PHF14: variants seen among roughly 807,000 people sequenced by gnomAD.
The protein encoded by PHF14 is PHD finger protein 14.
PHF14 carries 55 observed loss-of-function variants against 117.9 expected under a neutral mutation model. That is an observed-to-expected ratio of 0.47 (90% CI 0.38 to 0.58). PHF14 has a LOEUF of 0.58. Among genes scored for constraint, PHF14 ranks in the 20% least tolerant of loss-of-function variants. The pLI is 0.00. For missense variants in PHF14, 978 were observed against 1,122.2 expected, an observed-to-expected ratio of 0.87 and a Z score of 1.84; for synonymous variants, 409 against 368.6, an observed-to-expected ratio of 1.11 and a Z score of -1.26.
chr7:11,072,255 C>G (rs989361785), intron 16 of PHF14, among the ~76,000 whole-genome samples: 1 of 152,038 alleles, frequency 6.6e-6, no homozygotes, highest in Non-Finnish European at 1.5e-5. Context: ...GTGAGAGATG[C>G]TGTATACTTT....
intron 4 of PHF14, among the ~76,000 whole-genome samples, chr7:11,008,625 C>T (rs942632034): frequency 5.3e-5 from 8 of 152,264 alleles, no homozygotes; most frequent in African/African-American, 1.9e-4. Context: ...AATTGTTTTC[C>T]ACGAAACCAG....
chr7:11,070,197 C>T (rs999957069), intron 16 of PHF14, among the ~76,000 whole-genome samples: 2 of 151,758 alleles, frequency 1.3e-5, no homozygotes, highest in African/African-American at 4.8e-5. Flanking sequence ...CCCACCTCAG[C>T]CTCCTTAGTA....
intron 11 of PHF14, 47 bp from the exon 12 acceptor site, chr7:11,040,625 T>G (rs1035342650): frequency 2.6e-5 from 27 of 1,028,952 alleles, no homozygotes; most frequent in Non-Finnish European, 3.6e-5. Context: ...ATGTTGCTTT[T>G]ATTTCTTTCT....
intron 17 of PHF14, among the ~76,000 whole-genome samples, chr7:11,121,614 C>T (rs1044148783): frequency 5.9e-5 from 9 of 152,186 alleles, no homozygotes; most frequent in East Asian, 3.9e-4. Flanking sequence ...TCTTGCACTT[C>T]GGGGTTGTTA....
At position 10,983,167 on chromosome 7, in the gene PHF14, A is replaced by T. The variant is rs1335759516; in HGVS notation, c.900+8A>T. 2 of 1,578,098 alleles carry T rather than the reference A, an allele frequency of 1.3e-6. No homozygotes were observed. Among genetic ancestry groups the T allele is most frequent in the Middle Eastern group, 1.7e-4 (1 of 5,902 alleles). ...CAAAGCAAGAGTAATGAGGTAGATC[A>T]ACCCAATTTTTATATCTGTCTGTCT... On this transcript the variant is annotated splice_region_variant and intron_variant, in intron 3 of 17. Transcript: ENST00000634607.
chr7:11,112,984 T>A (rs1372016118), intron 17 of PHF14, among the ~76,000 whole-genome samples: 2 of 152,034 alleles, frequency 1.3e-5, no homozygotes, highest in Non-Finnish European at 2.9e-5. Flanking sequence ...TTCCCAAAAT[T>A]TTATTTAAAT....
In PHF14 at chr7:11,061,955, G is replaced by T; in HGVS notation, c.2533-9G>T. 1.3e-6 allele frequency: 2 copies of T among 1,581,638 alleles called. No homozygotes were observed. The highest frequency in any genetic ancestry group is 1.8e-5 in the Admixed American group (1 of 54,856). ...GTTATGTTTTATTTTATTATCCCTTGTATGGCAGGAAAGAGTTCCTAGAGA... is the reference window on the plus strand; with the variant it reads ...GTTATGTTTTATTTTATTATCCCTTTTATGGCAGGAAAGAGTTCCTAGAGA... On this transcript the variant is annotated splice_polypyrimidine_tract_variant and intron_variant, in intron 15 of 17. Transcript: ENST00000634607.
chr7:11,052,139 C>G (rs1195700315), intron 14 of PHF14, among the ~76,000 whole-genome samples: 1 of 152,078 alleles, frequency 6.6e-6, no homozygotes, highest in Non-Finnish European at 1.5e-5. Context: ...TCATTCACTT[C>G]TTTTTCTTTA....
intron 6 of PHF14, among the ~76,000 whole-genome samples, chr7:11,025,792 C>G (rs1783886522): frequency 6.7e-6 from 1 of 149,266 alleles, no homozygotes; most frequent in African/African-American, 2.5e-5. Context: ...GAGACTCCGT[C>G]TCAAAAAAAA....
intron 16 of PHF14, among the ~76,000 whole-genome samples, chr7:11,068,372 A>AAG (rs1785496155): frequency 6.6e-6 from 1 of 151,772 alleles, no homozygotes; most frequent in Non-Finnish European, 1.5e-5. Flanking sequence ...AAAAAAAAAA[A>AAG]ATCTGATACT....
intron 16 of PHF14, among the ~76,000 whole-genome samples, chr7:11,079,464 A>G (rs1785993245): frequency 6.6e-6 from 1 of 152,192 alleles, no homozygotes; most frequent in African/African-American, 2.4e-5. Flanking sequence ...AGAATGAACC[A>G]TGAACCAAGT....
chr7:11,087,059 A>T (rs1786438598), intron 16 of PHF14, among the ~76,000 whole-genome samples: 1 of 152,242 alleles, frequency 6.6e-6, no homozygotes, highest in East Asian at 1.9e-4. Context: ...GCATAAAATA[A>T]ATAAGGGTAT....
chr7:11,071,178 T>C, intron 16 of PHF14: 1 of 460,126 alleles, frequency 2.2e-6, no homozygotes, highest in South Asian at 1.7e-5. Flanking sequence ...ATCTCACTTT[T>C]CTTATTTTAG....
At chr7:10,978,756 A>C (rs992883295) in intron 2 of PHF14, among the ~76,000 whole-genome samples, 10 of 151,958 alleles carry the variant, frequency 6.6e-5, no homozygotes, top group Non-Finnish European at 1.5e-5. Flanking sequence ...CTCCACCTCC[A>C]CTTCCACTGT....
chr7:11,018,102 T>C (rs1422418092), intron 5 of PHF14, among the ~76,000 whole-genome samples: 3 of 152,188 alleles, frequency 2.0e-5, no homozygotes, highest in Admixed American at 2.0e-4. Context: ...GAGTTCTGTA[T>C]TTTGTTCCTT....
At chr7:11,039,401 A>T (rs935699639) in intron 11 of PHF14, among the ~76,000 whole-genome samples, 6 of 152,182 alleles carry the variant, frequency 3.9e-5, no homozygotes, top group African/African-American at 1.4e-4. Flanking sequence ...CGTAGTTATT[A>T]AAAAAAACTT....
chr7:11,042,723 T>C lies in PHF14; in HGVS notation c.2221T>C (p.Leu741=), dbSNP rs758276217. ...CKKNHDQHLL[L]LCDTCKLHYH... is the part of the protein sequence containing the mutation. ...GAAGAACCATGATCAGCATCTTCTT[T>C]TATTGTGTGATACCTGTAAACTACA... is the stretch of plus-strand genomic sequence containing the variant. Residue 741 remains leucine, a synonymous_variant, in exon 13 of 18, where the codon TTA becomes CTA. Transcript: ENST00000634607. The C allele has an allele frequency of 6.3e-7, 1 of 1,594,046 alleles. No individual in the cohort carries two copies. Among genetic ancestry groups the C allele is most frequent in the Non-Finnish European group, 8.6e-7 (1 of 1,168,324 alleles).
Position 11,038,784 on chromosome 7 carries a change from C to G in PHF14, c.2005C>G (p.Gln669Glu). 6.3e-7 allele frequency: 1 copy of G among 1,587,504 alleles called. No homozygotes were observed. Among genetic ancestry groups the G allele is most frequent in the Admixed American group, 1.7e-5 (1 of 58,502 alleles). The change falls in exon 11 of 18, where the codon CAA (glutamine) becomes GAA (glutamate). Residue 669 changes from glutamine (Q) to glutamate (E), a missense_variant. Physicochemically the swap from Gln to Glu is conservative, Grantham distance 29 (BLOSUM62 2). Transcript: ENST00000634607. ...GCTATGTGAATCTTTAGAAGAACTACAAAACCTGAATGGAAAACTTCGAAG... is the reference window on the plus strand; with the variant it reads ...GCTATGTGAATCTTTAGAAGAACTAGAAAACCTGAATGGAAAACTTCGAAG... ...NKLCESLEEL[Q>E]NLNGKLRSEG...
intron 17 of PHF14, among the ~76,000 whole-genome samples, chr7:11,120,442 AT>A (rs2128345677): frequency 6.6e-6 from 1 of 152,098 alleles, no homozygotes; most frequent in Admixed American, 6.6e-5. Context: ...TTTCTGTTTC[AT>A]TTTCTGCCTT....
Sources: allele counts gnomAD v4.1 joint callset (sites outside exome capture counted in the v4.1 genomes callset), GRCh38; gene constraint gnomAD v4.1.1; transcripts MANE v1.5; gene names NCBI Gene and HGNC (gene_info 2026-07-23, HGNC 2026-07-21).